Variants in TRAF2 observed in about 807,000 individuals in gnomAD.
The protein encoded by TRAF2 is TNF receptor associated factor 2, also known as TNF receptor-associated factor 2.
A neutral mutation model predicts 55.6 loss-of-function variants in TRAF2; 6 were observed. That is an observed-to-expected ratio of 0.11 (90% CI 0.06 to 0.21). The LOEUF is 0.21. Ranked by LOEUF, TRAF2 falls within the 10% of genes least tolerant of loss-of-function variation. The pLI is 1.00. For synonymous variants in TRAF2, 329 were observed against 276.3 expected (o/e 1.19, Z -1.89); for missense variants, 561 against 684.5 (o/e 0.82, Z 2.01).
chr9:136,907,880 G>C (rs905288513), intron 4 of TRAF2, among the ~76,000 whole-genome samples, 190 bp from the exon 5 acceptor site: 3 of 152,006 alleles, frequency 2.0e-5, no homozygotes, highest in African/African-American at 7.3e-5. Context: ...TGGAGACGAG[G>C]ACACACTGAT....
intron 6 of TRAF2, among the ~76,000 whole-genome samples, chr9:136,911,848 T>C (rs1454771699): frequency 9.5e-6 from 1 of 105,466 alleles, no homozygotes; most frequent in Non-Finnish European, 2.0e-5. Flanking sequence ...TCTTATCTCT[T>C]TTTTTTTTTT....
intron 1 of TRAF2, among the ~76,000 whole-genome samples, chr9:136,887,168 G>A (rs1365788427): frequency 1.3e-5 from 2 of 152,246 alleles, no homozygotes; most frequent in Admixed American, 1.3e-4. Context: ...GGGGCAGCAA[G>A]GAGCCAGTGC....
At position 136,898,899 on chromosome 9, in the gene TRAF2, C is replaced by T. The variant is rs886457958; in HGVS notation, c.159C>T (p.Tyr53=). 6.2e-7 allele frequency: 1 copy of T among 1,611,174 alleles called. No individual in the cohort carries two copies. Among genetic ancestry groups the T allele is most frequent in the Non-Finnish European group, 8.5e-7 (1 of 1,179,236 alleles). The change falls in exon 2 of 11, where the codon TAC becomes TAT. Residue 53 remains tyrosine, a synonymous_variant. Transcript: ENST00000247668. ...RPFQAQCGHR[Y]CSFCLASILS... ...TCCAGGCGCAGTGTGGCCACCGGTA[C>T]TGCTCCTTCTGCCTGGCCAGCATCC...
intron 1 of TRAF2, 73 bp downstream of exon 1, chr9:136,886,614 C>T (rs1317631391): frequency 3.2e-6 from 3 of 934,880 alleles, no homozygotes; most frequent in African/African-American, 4.3e-5. Context: ...GGCGCGGGGT[C>T]GGGCGCAGGC....
intron 6 of TRAF2, among the ~76,000 whole-genome samples, chr9:136,915,330 A>G (rs903069026): frequency 6.6e-6 from 1 of 152,032 alleles, no homozygotes. Context: ...TCCCATAAGC[A>G]TTGTGGGAGC....
At chr9:136,903,528 A>G (rs991443107) in intron 4 of TRAF2, among the ~76,000 whole-genome samples, 2 of 120,006 alleles carry the variant, frequency 1.7e-5, no homozygotes, top group African/African-American at 3.4e-5. Flanking sequence ...CTGGCTGAAT[A>G]AATATTGATT....
At chr9:136,888,343 A>G (rs1849500303) in intron 1 of TRAF2, among the ~76,000 whole-genome samples, 1 of 152,064 alleles carries the variant, frequency 6.6e-6, no homozygotes, top group Non-Finnish European at 1.5e-5. Flanking sequence ...AGGCAGGAGA[A>G]TGGCGTGAAC....
At chr9:136,907,692 C>T (rs1432844939) in intron 4 of TRAF2, among the ~76,000 whole-genome samples, 3 of 152,096 alleles carry the variant, frequency 2.0e-5, no homozygotes, top group African/African-American at 4.8e-5. Context: ...TCAGATCGAG[C>T]GTGGCCTGCT....
At chr9:136,911,702 A>G (rs935375887) in intron 6 of TRAF2, among the ~76,000 whole-genome samples, 6 of 152,030 alleles carry the variant, frequency 3.9e-5, no homozygotes, top group Non-Finnish European at 8.8e-5. Context: ...TGGCCCTTCA[A>G]TGCAGGCCGA....
chr9:136,919,697 T>C (rs1163141972), intron 7 of TRAF2, among the ~76,000 whole-genome samples: 1 of 151,522 alleles, frequency 6.6e-6, no homozygotes, highest in Non-Finnish European at 1.5e-5. Flanking sequence ...CTTCATCCCT[T>C]CATCTCGTCC....
chr9:136,885,611 T>C (rs1849429876), upstream of TRAF2, among the ~76,000 whole-genome samples: 1 of 152,158 alleles, frequency 6.6e-6, no homozygotes, highest in Middle Eastern at 3.4e-3. Context: ...CTATCAAAAA[T>C]ACAAACATTA....
At chr9:136,914,169 C>G (rs942721173) in intron 6 of TRAF2, among the ~76,000 whole-genome samples, 3 of 152,162 alleles carry the variant, frequency 2.0e-5, no homozygotes, top group Admixed American at 2.0e-4. Flanking sequence ...CACCCTTTAT[C>G]AGATGAGGAA....
Position 136,899,692 on chromosome 9 carries a change from G to T in TRAF2, c.267+20G>T, listed in dbSNP as rs747078508. On this transcript the variant is annotated intron_variant, in intron 3 of 10. Transcript: ENST00000247668. The stretch of plus-strand genomic sequence containing the variant: ...AGTTCGGTAAGTAAAATGTCTTGAA[G>T]CTAAAAATGTTGAACAGAAAATGTC... 1.9e-6 allele frequency: 3 copies of T among 1,607,026 alleles called. No individual in the cohort carries two copies. Among genetic ancestry groups the T allele is most frequent in the Non-Finnish European group, 2.6e-6 (3 of 1,175,020 alleles).
Position 136,921,122 on chromosome 9 carries a change from A to G in TRAF2, c.1045A>G (p.Thr349Ala). The G allele has an allele frequency of 6.2e-7, 1 of 1,614,072 alleles. No individual in the cohort carries two copies. The highest frequency in any genetic ancestry group is 8.5e-7 in the Non-Finnish European group (1 of 1,180,010). ...EQKVLEMEAS[T>A]YDGVFIWKIS... ...GAAGGTCTTGGAGATGGAGGCATCC[A>G]CCTACGATGGGGTCTTCATCTGGAA... Residue 349 changes from threonine to alanine, a missense_variant, in exon 9 of 11, where the codon ACC becomes GCC. Around this residue, in one of 2 missense-constraint regions of TRAF2, gnomAD observed 426 missense variants for 476.8 expected, o/e 0.89. Transcript: ENST00000247668.
chr9:136,910,934 A>G (rs1850089047), intron 6 of TRAF2, among the ~76,000 whole-genome samples: 1 of 152,208 alleles, frequency 6.6e-6, no homozygotes, highest in East Asian at 1.9e-4. Flanking sequence ...CTGGAGCGCC[A>G]TAGAGGCTAT....
At position 136,908,215 on chromosome 9, in the gene TRAF2, G is replaced by T. The variant is rs1179242637; in HGVS notation, c.512G>T (p.Cys171Phe). The change falls in exon 5 of 11, where the codon TGC (cysteine) becomes TTC (phenylalanine). Residue 171 changes from cysteine (C) to phenylalanine (F), a missense_variant. Physicochemically the swap from Cys to Phe is radical, Grantham distance 205. Transcript: ENST00000247668. ...TGCCGGCATTGCCGGGCACCCTGCT[G>T]CGGAGCAGACGTGAAGGTGCGTGGG... Reference protein sequence around the residue: ...LSCRHCRAPCCGADVKAHHEV... With the variant: ...LSCRHCRAPCFGADVKAHHEV... The T allele has an allele frequency of 1.3e-6, 2 of 1,593,244 alleles. No individual in the cohort carries two copies.
chr9:136,905,951 A>C (rs1232347851), intron 4 of TRAF2, among the ~76,000 whole-genome samples: 1 of 152,142 alleles, frequency 6.6e-6, no homozygotes, highest in Non-Finnish European at 1.5e-5. Context: ...AAAAATACAA[A>C]AAAATTAGCC....
upstream of TRAF2, chr9:136,886,448 C>T: frequency 1.0e-6 from 1 of 1,004,906 alleles, no homozygotes. Flanking sequence ...CATGTCCGTC[C>T]GTCAGGCGCA....
upstream of TRAF2, among the ~76,000 whole-genome samples, chr9:136,885,636 C>T (rs1027970183): frequency 8.5e-5 from 13 of 152,126 alleles, no homozygotes; most frequent in Non-Finnish European, 1.8e-4. Flanking sequence ...GGCGTGATGG[C>T]GGGCGCCTGT....
Sources: allele counts gnomAD v4.1 joint callset (sites outside exome capture counted in the v4.1 genomes callset), GRCh38; gene constraint gnomAD v4.1.1; regional missense constraint gnomAD v4.1.1; transcripts MANE v1.5; gene names NCBI Gene and HGNC (gene_info 2026-07-23, HGNC 2026-07-21).